Variants in ZCWPW1 observed in about 807,000 individuals in gnomAD.
ZCWPW1 encodes the protein zinc finger CW-type PWWP domain protein 1.
Under a neutral mutation model 81.3 loss-of-function variants are expected in ZCWPW1, and 56 were observed. That is an observed-to-expected ratio of 0.69 (90% CI 0.56 to 0.86). ZCWPW1 has a LOEUF of 0.86. Ranked by LOEUF, ZCWPW1 falls within the 40% of genes least tolerant of loss-of-function variation. The pLI is 0.00. For synonymous variants in ZCWPW1, 250 were observed against 273.7 expected, an observed-to-expected ratio of 0.91 and a Z score of 0.86; for missense variants, 650 against 769.8, an observed-to-expected ratio of 0.84 and a Z score of 1.84.
Position 100,406,761 on chromosome 7 carries a change from G to A in ZCWPW1, c.1106C>T (p.Ser369Phe). 1 of 1,614,180 alleles carries A rather than the reference G, an allele frequency of 6.2e-7. No individual in the cohort carries two copies. The highest frequency in any genetic ancestry group is 8.5e-7 in the Non-Finnish European group (1 of 1,180,032). ...YHVTFFGETVSRAWIPVNMLK... is the reference protein window; with the variant it reads ...YHVTFFGETVFRAWIPVNMLK... ...CATGTTGACTGGGATCCATGCACGA[G>A]AAACTGTTTCTCCAAAAAACGTCAC... The change falls in exon 12 of 18, where the codon TCT becomes TTT. Residue 369 changes from serine to phenylalanine, a missense_variant. Transcript: ENST00000684423.
chr7:100,411,677 A>G (rs1438076555), intron 8 of ZCWPW1, among the ~76,000 whole-genome samples: 1 of 152,178 alleles, frequency 6.6e-6, no homozygotes, highest in African/African-American at 2.4e-5. Flanking sequence ...AGCTAGCAAG[A>G]CTAGAAAAAA....
intron 9 of ZCWPW1, among the ~76,000 whole-genome samples, chr7:100,408,890 T>C (rs748403117): frequency 1.3e-5 from 2 of 152,048 alleles, no homozygotes; most frequent in Non-Finnish European, 2.9e-5. Context: ...GCAGTAGGAA[T>C]GGTGCCTCCT....
At chr7:100,424,552 C>T (rs1370387095) in intron 2 of ZCWPW1, among the ~76,000 whole-genome samples, 1 of 152,120 alleles carries the variant, frequency 6.6e-6, no homozygotes, top group Non-Finnish European at 1.5e-5. Context: ...ACCTCTGCCT[C>T]CCAGGTTCAA....
chr7:100,416,304 C>A lies in ZCWPW1; in HGVS notation c.631+1G>T, dbSNP rs774275324. On this transcript the variant is annotated splice_donor_variant, in intron 7 of 17. Transcript: ENST00000684423. LOFTEE classifies it high-confidence loss of function. Reference sequence around the variant, plus strand: ...TTCAAAGTATATCTGACTGTACTTACGAGCTTCCTTCTTTCTTTTGCTTAA... The same window carrying A: ...TTCAAAGTATATCTGACTGTACTTAAGAGCTTCCTTCTTTCTTTTGCTTAA... 20 of 1,613,746 alleles carry A rather than the reference C, an allele frequency of 1.2e-5. No individual in the cohort carries two copies. Among genetic ancestry groups the A allele is most frequent in the Non-Finnish European group, 1.7e-5 (20 of 1,179,956 alleles).
intron 15 of ZCWPW1, 142 bp from the exon 16 acceptor site, chr7:100,402,718 G>A: frequency 1.2e-6 from 1 of 833,064 alleles, no homozygotes. Flanking sequence ...TAAATTTCTG[G>A]CAACACAGAG....
At chr7:100,405,221 A>G in intron 12 of ZCWPW1, 128 bp from the exon 13 acceptor site, 1 of 743,466 alleles carries the variant, frequency 1.3e-6, no homozygotes, top group South Asian at 1.4e-5. Flanking sequence ...CGAGGTCAGG[A>G]GTTCAACACC....
chr7:100,416,592 T>C (rs1164172212), intron 6 of ZCWPW1, 136 bp from the exon 7 acceptor site: 4 of 857,184 alleles, frequency 4.7e-6, no homozygotes, highest in Non-Finnish European at 7.1e-6. Flanking sequence ...TTCATCCATC[T>C]ACTTGCCTAT....
intron 11 of ZCWPW1, 97 bp downstream of exon 11, chr7:100,407,131 C>T (rs1415351034): frequency 9.7e-6 from 11 of 1,135,184 alleles, no homozygotes; most frequent in Non-Finnish European, 1.4e-5. Context: ...CTTGTGTCTG[C>T]TGGCTATGTC....
At chr7:100,423,542 T>G (rs148642850) in intron 2 of ZCWPW1, among the ~76,000 whole-genome samples, 1 of 152,166 alleles carries the variant, frequency 6.6e-6, no homozygotes, top group East Asian at 1.9e-4. Flanking sequence ...CCCTTCAGCA[T>G]TTTTCTCTTC....
chr7:100,402,112 T>C (rs1792046297), intron 16 of ZCWPW1, 71 bp from the exon 17 acceptor site: 4 of 1,525,656 alleles, frequency 2.6e-6, no homozygotes, highest in Admixed American at 2.0e-5. Context: ...ACACTGCACA[T>C]TGAGTTTCTG....
rs1415168269 is a variant in ZCWPW1 at position 100,404,561 on chromosome 7, T to C, written c.1255-317A>G. On this transcript the variant is annotated intron_variant, in intron 13 of 17. Transcript: ENST00000684423. The stretch of plus-strand genomic sequence containing the variant: ...TTTTTGCAGAGATGGGGTTTTGCCG[T>C]GTTGCCTAGGCTGGTCTTGAACTCC... Among the ~76,000 whole-genome samples the C allele has an allele frequency of 2.0e-5, 3 of 152,216 alleles. No individual in the cohort carries two copies. The East Asian group carries it at 5.8e-4, about 29-fold the overall frequency.
At chr7:100,426,088 C>A (rs925497437) in intron 1 of ZCWPW1, among the ~76,000 whole-genome samples, 6 of 152,242 alleles carry the variant, frequency 3.9e-5, no homozygotes, top group Admixed American at 1.3e-4. Flanking sequence ...TCCTAACCAT[C>A]CAATCATTCC....
At position 100,409,554 on chromosome 7, in the gene ZCWPW1, GA is replaced by G; in HGVS notation, c.755-11del. The G allele has an allele frequency of 2.5e-6, 4 of 1,582,958 alleles. No individual in the cohort carries two copies. Among genetic ancestry groups the G allele is most frequent in the African/African-American group, 1.4e-5 (1 of 73,846 alleles). On this transcript the variant is annotated splice_polypyrimidine_tract_variant and intron_variant, in intron 8 of 17. Transcript: ENST00000684423. The stretch of plus-strand genomic sequence containing the variant: ...CAGACCAGACATTGACCTGTGAGAG[GA>G]AAAAAATGAAATAAGAGACTTAAAA...
chr7:100,416,072 T>C lies in ZCWPW1; in HGVS notation c.657A>G (p.Gln219=), dbSNP rs1479525024. 22 of 1,613,948 alleles carry C rather than the reference T, an allele frequency of 1.4e-5. No homozygotes were observed. The highest frequency in any genetic ancestry group is 1.8e-5 in the Non-Finnish European group (21 of 1,180,050). Residue 219 remains glutamine, a synonymous_variant, in exon 8 of 18, where the codon CAA becomes CAG. Coordinates refer to ENST00000684423, the MANE Select transcript of ZCWPW1 (RefSeq NM_001386010.1). ...EAQDEKVEKT[Q]GGHEHRQEDR... Reference sequence around the variant, plus strand: ...CTTCCTGTCTGTGCTCATGTCCACCTTGAGTTTTCTCCACCTTCTCATCTT... The same window carrying C: ...CTTCCTGTCTGTGCTCATGTCCACCCTGAGTTTTCTCCACCTTCTCATCTT...
At chr7:100,409,954 T>C (rs1340830524) in intron 8 of ZCWPW1, among the ~76,000 whole-genome samples, 1 of 152,182 alleles carries the variant, frequency 6.6e-6, no homozygotes, top group Non-Finnish European at 1.5e-5. Context: ...CTAACCTGCA[T>C]CTCTTTTGTG....
Position 100,407,316 on chromosome 7 carries a change from G to A in ZCWPW1, c.993-13C>T. 1 of 1,611,842 alleles carries A rather than the reference G, an allele frequency of 6.2e-7. No homozygotes were observed. Among genetic ancestry groups the A allele is most frequent in the South Asian group, 1.1e-5 (1 of 90,854 alleles). On this transcript the variant is annotated splice_polypyrimidine_tract_variant and intron_variant, in intron 10 of 17. Coordinates refer to ENST00000684423, the MANE Select transcript of ZCWPW1 (RefSeq NM_001386010.1). ...CATGCCTGGCCACCTGGAGAAGATA[G>A]TTGGGTGTAGGGGACAGAAGAGAAG... is the stretch of plus-strand genomic sequence containing the variant.
chr7:100,408,980 G>A (rs575619499), intron 9 of ZCWPW1, among the ~76,000 whole-genome samples: 1 of 152,196 alleles, frequency 6.6e-6, no homozygotes, highest in African/African-American at 2.4e-5. Flanking sequence ...AGCACCATAA[G>A]AATAATTTCT....
At position 100,402,007 on chromosome 7, in the gene ZCWPW1, T is replaced by C; in HGVS notation, c.1509A>G (p.Arg503=). ...TTATCTTCCTCTGCAGTGTCCTGCCTCGGCCATCTGCTGTGCCTGCATCAC... is the reference window on the plus strand; with the variant it reads ...TTATCTTCCTCTGCAGTGTCCTGCCCCGGCCATCTGCTGTGCCTGCATCAC... ...LGGDAGTADG[R]GRTLQRKIMK... is the part of the protein sequence containing the mutation. The change falls in exon 17 of 18, where the codon CGA becomes CGG. Residue 503 remains arginine (R), a synonymous_variant. Coordinates refer to ENST00000684423, the MANE Select transcript of ZCWPW1 (RefSeq NM_001386010.1). 6.2e-7 allele frequency: 1 copy of C among 1,613,774 alleles called. No individual in the cohort carries two copies. The highest frequency in any genetic ancestry group is 8.5e-7 in the Non-Finnish European group (1 of 1,179,834).
chr7:100,406,095 A>T (rs1479911436), intron 12 of ZCWPW1, among the ~76,000 whole-genome samples: 1 of 152,158 alleles, frequency 6.6e-6, no homozygotes, highest in Non-Finnish European at 1.5e-5. Flanking sequence ...AAGGCCCCTG[A>T]GCCATTGAGC....
Sources: gnomAD v4.1 joint callset for allele counts (sites outside exome capture counted in the v4.1 genomes callset) on GRCh38, gnomAD v4.1.1 for gene constraint, MANE v1.5 for transcripts, NCBI Gene and HGNC (gene_info 2026-07-23, HGNC 2026-07-21) for gene names.